Variants in NEU3 observed in about 807,000 individuals in gnomAD.
The protein encoded by NEU3 is neuraminidase 3, also known as sialidase-3.
Under a neutral mutation model 11.4 loss-of-function variants are expected in NEU3, and 10 were observed. That is an observed-to-expected ratio of 0.88 (90% CI 0.54 to 1.49). The LOEUF is 1.49. NEU3 is among the 40% of genes most tolerant of loss of function. The pLI is 0.00. For missense variants in NEU3, 529 were observed against 581.8 expected (o/e 0.91, Z 0.93); for synonymous variants, 212 against 228.2 (o/e 0.93, Z 0.64).
intron 2 of NEU3, chr11:75,004,483 T>C (rs1417793790): frequency 2.1e-6 from 1 of 470,146 alleles, no homozygotes. Context: ...AGTTGTCTGA[T>C]CTTGCCCTTT....
At chr11:75,001,586 A>G (rs1020007383) in intron 2 of NEU3, among the ~76,000 whole-genome samples, 4 of 152,022 alleles carry the variant, frequency 2.6e-5, no homozygotes, top group African/African-American at 9.7e-5. Context: ...CCTGGCCTAC[A>G]TTTGTTCTTT....
chr11:75,017,354 G>A (rs917230538), intron 3 of NEU3, among the ~76,000 whole-genome samples: 4 of 152,150 alleles, frequency 2.6e-5, no homozygotes, highest in African/African-American at 9.7e-5. Flanking sequence ...AGCTAGGGAC[G>A]GATGGGTTCC....
chr11:75,014,820 T>A (rs566480), downstream of NEU3, among the ~76,000 whole-genome samples: 1 of 151,944 alleles, frequency 6.6e-6, no homozygotes, highest in Non-Finnish European at 1.5e-5. Context: ...GAGCTGTGAT[T>A]GCGCCATTGC....
chr11:74,988,787 T>C, upstream of NEU3: 2 of 426,482 alleles, frequency 4.7e-6, no homozygotes, highest in South Asian at 2.5e-5. Flanking sequence ...CACGCCGTGG[T>C]GGGGACCGAG....
chr11:75,015,633 T>C (rs79030943), downstream of NEU3, among the ~76,000 whole-genome samples: 2 of 152,120 alleles, frequency 1.3e-5, no homozygotes, highest in Non-Finnish European at 2.9e-5. Flanking sequence ...ACTCTTGGAG[T>C]AGAATTATGT....
chr11:74,980,860 C>T, the NEU3 span, among the ~76,000 whole-genome samples: 1 of 152,256 alleles, frequency 6.6e-6, no homozygotes, highest in African/African-American at 2.4e-5. Context: ...ATTTTAACTG[C>T]TGCTACTAAC....
chr11:74,996,143 T>TA (rs1183994768), intron 2 of NEU3, among the ~76,000 whole-genome samples: 1 of 152,072 alleles, frequency 6.6e-6, no homozygotes, highest in Non-Finnish European at 1.5e-5. Context: ...GACAGAGCAA[T>TA]ACCCTGTCTA....
Position 75,006,027 on chromosome 11 carries a change from G to GC in NEU3, c.926dup (p.His310ThrfsTer18), listed in dbSNP as rs760484523. The GC allele has an allele frequency of 6.2e-7, 1 of 1,613,962 alleles. No homozygotes were observed. The highest frequency in any genetic ancestry group is 1.7e-5 in the Admixed American group (1 of 60,028). On this transcript the variant is annotated frameshift_variant, in exon 3 of 3. Coordinates refer to ENST00000294064, the MANE Select transcript of NEU3 (RefSeq NM_006656.6). LOFTEE classifies it low-confidence loss of function (END_TRUNC). Reference sequence around the variant, plus strand: ...TGGCCCTGAGTCGACAGCTCTGTGAGCCCCCACATGGTTGCCAAGGGAGTG... The same window carrying GC: ...TGGCCCTGAGTCGACAGCTCTGTGAGCCCCCCACATGGTTGCCAAGGGAGTG...
Position 74,989,077 on chromosome 11 carries a change from TG to T in NEU3, c.18del (p.Pro8ArgfsTer30), listed in dbSNP as rs1421294383. 1 of 1,550,616 alleles carries T rather than the reference TG, an allele frequency of 6.4e-7. No homozygotes were observed. The highest frequency in any genetic ancestry group is 1.2e-5 in the South Asian group (1 of 84,034). On this transcript the variant is annotated frameshift_variant, in exon 1 of 3. Transcript: ENST00000294064. LOFTEE classifies it high-confidence loss of function. MRPAD[L>X]PPRPMEESPA... ...CTTCGGCGAATGAGACCTGCGGACC[TG>T]CCCCCGCGCCCCATGGAAGAATCCC...
the NEU3 span, among the ~76,000 whole-genome samples, chr11:74,982,800 T>C: frequency 2.6e-5 from 4 of 152,122 alleles, no homozygotes; most frequent in African/African-American, 9.7e-5. Context: ...AACAGGTATT[T>C]GAAGGAAGAG....
intron 2 of NEU3, chr11:74,995,003 G>A: frequency 1.7e-6 from 1 of 595,904 alleles, no homozygotes; most frequent in South Asian, 2.1e-5. Context: ...AGGTTATACA[G>A]CTATAATAAA....
chr11:74,996,482 C>T (rs1012792998), intron 2 of NEU3, among the ~76,000 whole-genome samples: 1 of 152,202 alleles, frequency 6.6e-6, no homozygotes, highest in African/African-American at 2.4e-5. Flanking sequence ...TTAGTCACAT[C>T]TTCAGGCTCC....
downstream of NEU3, among the ~76,000 whole-genome samples, chr11:75,013,139 G>A (rs1948965751): frequency 6.6e-6 from 1 of 152,204 alleles, no homozygotes; most frequent in African/African-American, 2.4e-5. Context: ...CAAGGTCCTT[G>A]TCCTAGAGCT....
At chr11:74,992,498 G>A (rs1343905792) in intron 1 of NEU3, among the ~76,000 whole-genome samples, 1 of 152,196 alleles carries the variant, frequency 6.6e-6, no homozygotes, top group East Asian at 1.9e-4. Context: ...TTGGATGACA[G>A]TTGGTTTGAG....
At chr11:75,000,280 T>G (rs1001353654) in intron 2 of NEU3, among the ~76,000 whole-genome samples, 4 of 152,202 alleles carry the variant, frequency 2.6e-5, no homozygotes, top group African/African-American at 7.2e-5. Flanking sequence ...TCCTAACCAT[T>G]TTTAAGTGTA....
chr11:74,994,731 A>G lies in NEU3; in HGVS notation c.306+11A>G, dbSNP rs1039794453. On this transcript the variant is annotated intron_variant, in intron 2 of 2. Coordinates refer to ENST00000294064, the MANE Select transcript of NEU3 (RefSeq NM_006656.6). ...GGGCAGTTGGTACAGGTGACTCTTC[A>G]TCCCAGATCTGAGTCTGGGCCTCAG... 6.2e-7 allele frequency: 1 copy of G among 1,610,698 alleles called. No homozygotes were observed. The highest frequency in any genetic ancestry group is 1.3e-5 in the African/African-American group (1 of 74,908).
chr11:75,006,555 C>T lies in NEU3; in HGVS notation c.*63C>T. On this transcript the variant is annotated 3_prime_UTR_variant, in exon 3 of 3. Coordinates refer to ENST00000294064, the MANE Select transcript of NEU3 (RefSeq NM_006656.6). ...GTTACAGACAGGTTAACAGAAGCTACTGAAGTCTACAGATAATCAAAAAAC... is the reference window on the plus strand; with the variant it reads ...GTTACAGACAGGTTAACAGAAGCTATTGAAGTCTACAGATAATCAAAAAAC... 2.0e-6 allele frequency: 3 copies of T among 1,506,662 alleles called. No homozygotes were observed. The highest frequency in any genetic ancestry group is 4.5e-5 in the East Asian group (2 of 44,142). 93.3% of individuals were successfully genotyped at this position (1,506,662 alleles called of 1,614,324 possible). A position where few individuals can be genotyped will look rare whatever the true frequency, so the allele number is the denominator to read the frequency against.
intron 1 of NEU3, among the ~76,000 whole-genome samples, chr11:74,993,199 G>T (rs1190994354): frequency 6.6e-6 from 1 of 151,838 alleles, no homozygotes; most frequent in Non-Finnish European, 1.5e-5. Flanking sequence ...TGTCGTTGTT[G>T]GTGTTTTTTT....
chr11:75,014,912 A>T (rs1378532719), downstream of NEU3, among the ~76,000 whole-genome samples: 1 of 152,204 alleles, frequency 6.6e-6, no homozygotes, highest in Non-Finnish European at 1.5e-5. Context: ...TCTCTGAGTC[A>T]CAAGTTGCAG....
Sources: gnomAD v4.1 joint callset for allele counts (sites outside exome capture counted in the v4.1 genomes callset) on GRCh38, gnomAD v4.1.1 for gene constraint, MANE v1.5 for transcripts, NCBI Gene and HGNC (gene_info 2026-07-23, HGNC 2026-07-21) for gene names.